Variants in SUB1 observed in about 807,000 individuals in gnomAD.
SUB1 encodes the protein SUB1 regulator of transcription.
SUB1 carries 1 observed loss-of-function variant against 16.9 expected under a neutral mutation model. The ratio of observed to expected loss-of-function variants is 0.06; its 90% CI spans 0.02 to 0.28. SUB1 has a LOEUF of 0.28. Ranked by LOEUF, SUB1 falls within the 10% of genes least tolerant of loss-of-function variation. The probability of loss-of-function intolerance (pLI) is 1.00; values close to 1 mark genes in which losing one functional copy is unlikely to be tolerated. For missense variants in SUB1, 84 were observed against 145.2 expected (o/e 0.58, Z 2.16); for synonymous variants, 51 against 46.9 (o/e 1.09, Z -0.36).
In SUB1 at chr5:32,601,018, T is replaced by A; in HGVS notation, c.318T>A (p.Asn106Lys). The A allele has an allele frequency of 6.2e-7, 1 of 1,612,660 alleles. No individual in the cohort carries two copies. Among genetic ancestry groups the A allele is most frequent in the Non-Finnish European group, 8.5e-7 (1 of 1,179,676 alleles). Residue 106 changes from asparagine to lysine, a missense_variant, in exon 5 of 5, where the codon AAT (asparagine) becomes AAA (lysine). Physicochemically the swap from Asn to Lys is moderately conservative, Grantham distance 94. Coordinates refer to ENST00000265073, the MANE Select transcript of SUB1 (RefSeq NM_006713.4). ...MKPGRKGISL[N>K]PEQWSQLKEQ... ...ACTTTGTTTTAGGTATTTCTTTAAA[T>A]CCAGAACAATGGAGCCAGCTGAAGG...
chr5:32,599,457 A>G (rs1579518943), intron 4 of SUB1, among the ~76,000 whole-genome samples: 1 of 152,326 alleles, frequency 6.6e-6, no homozygotes. Context: ...TCTTTAGGGC[A>G]TTACTCTTCA....
chr5:32,594,684 T>C, intron 3 of SUB1: 2 of 436,348 alleles, frequency 4.6e-6, no homozygotes, highest in South Asian at 3.2e-5. Flanking sequence ...CGGCATTAGA[T>C]TCTCATAGGA....
At chr5:32,594,346 T>C (rs966295731) in intron 3 of SUB1, among the ~76,000 whole-genome samples, 13 of 152,254 alleles carry the variant, frequency 8.5e-5, no homozygotes, top group Admixed American at 8.5e-4. Context: ...TTAGTACCTG[T>C]GTCTTGAAAG....
At chr5:32,588,275 G>C (rs1459622277) in intron 1 of SUB1, among the ~76,000 whole-genome samples, 1 of 152,196 alleles carries the variant, frequency 6.6e-6, no homozygotes, top group East Asian at 1.9e-4. Flanking sequence ...AGGTGTAGGA[G>C]TGTATGACAT....
intron 2 of SUB1, among the ~76,000 whole-genome samples, chr5:32,590,526 G>A (rs1389236503): frequency 1.3e-5 from 2 of 149,782 alleles, no homozygotes; most frequent in African/African-American, 4.9e-5. Context: ...GGAAGTTCTT[G>A]AGTTGCTGGC....
At chr5:32,596,014 T>C (rs1331507097) in intron 3 of SUB1, 1 of 152,226 alleles carries the variant, frequency 6.6e-6, no homozygotes. Flanking sequence ...TAACACTTTA[T>C]ATATTTTGTC....
chr5:32,588,364 T>C (rs1042318817), intron 1 of SUB1, 148 bp from the exon 2 acceptor site: 18 of 652,810 alleles, frequency 2.8e-5, no homozygotes, highest in East Asian at 2.8e-5. Context: ...AGATTAAAAC[T>C]TGTGCTCAGT....
At chr5:32,597,160 T>C (rs1738989265) in intron 3 of SUB1, 2 of 152,192 alleles carry the variant, frequency 1.3e-5, no homozygotes, top group East Asian at 3.9e-4. Flanking sequence ...ACCATAAAAG[T>C]ATATTCACAT....
intron 3 of SUB1, chr5:32,597,550 C>G (rs960684787): frequency 2.6e-5 from 4 of 152,040 alleles, no homozygotes; most frequent in Non-Finnish European, 5.9e-5. Context: ...GGAGTCTGTG[C>G]TTTCAATTTT....
At chr5:32,598,791 C>A in intron 3 of SUB1, 170 bp from the exon 4 acceptor site, 1 of 429,456 alleles carries the variant, frequency 2.3e-6, no homozygotes, top group Non-Finnish European at 4.1e-6. Flanking sequence ...AAAAAATATG[C>A]ATATAAGTGG....
At chr5:32,593,229 T>A (rs1738875409) in intron 3 of SUB1, among the ~76,000 whole-genome samples, 1 of 152,136 alleles carries the variant, frequency 6.6e-6, no homozygotes, top group South Asian at 2.1e-4. Context: ...GGTCTTGAAC[T>A]CCTGAGCTCA....
In SUB1 at chr5:32,603,609, A is replaced by C. The variant is rs972941916; in HGVS notation, c.*2525A>C. ...CTTCATTAATGCCTAAGAACTTAAG[A>C]ATACTCCTACCTCATTAGCTACTCA... is the stretch of plus-strand genomic sequence containing the variant. On this transcript the variant is annotated 3_prime_UTR_variant, in exon 5 of 5. Coordinates refer to ENST00000265073, the MANE Select transcript of SUB1 (RefSeq NM_006713.4). The C allele has an allele frequency of 1.6e-4, 24 of 152,180 alleles. No individual in the cohort carries two copies. Among genetic ancestry groups the C allele is most frequent in the African/African-American group, 5.8e-4 (24 of 41,460 alleles). 9.4% of individuals were successfully genotyped at this position (152,180 alleles called of 1,614,324 possible). A position where few individuals can be genotyped will look rare whatever the true frequency, so the allele number is the denominator to read the frequency against.
chr5:32,591,634 C>T lies in SUB1; in HGVS notation c.144C>T (p.Ala48=), dbSNP rs771797879. The T allele has an allele frequency of 9.9e-6, 16 of 1,609,524 alleles. No individual in the cohort carries two copies. In the Admixed American group the frequency reaches 2.4e-4, roughly 24 times the overall value. The change falls in exon 3 of 5, where the codon GCC becomes GCT. Residue 48 remains alanine (A), a synonymous_variant. Transcript: ENST00000265073. ...AAAAGACAGGTGAGACTTCGAGAGC[C>T]CTGTCATCTTCTAAACAGAGCAGCA... is the stretch of plus-strand genomic sequence containing the variant. ...KKQKTGETSR[A]LSSSKQSSSS...
intron 3 of SUB1, chr5:32,594,866 C>T (rs1715712063): frequency 1.7e-5 from 3 of 177,416 alleles, no homozygotes; most frequent in Admixed American, 1.1e-4. Context: ...TCCCTGGTGC[C>T]AAAAAGGTTA....
intron 1 of SUB1, chr5:32,586,572 C>G (rs757726029): frequency 6.6e-6 from 1 of 152,034 alleles, no homozygotes; most frequent in African/African-American, 2.4e-5. Context: ...CAGTGGACTT[C>G]TTTGGGTTGA....
At chr5:32,598,719 G>A (rs977252488) in intron 3 of SUB1, 1 of 349,720 alleles carries the variant, frequency 2.9e-6, no homozygotes, top group Non-Finnish European at 5.1e-6. Flanking sequence ...AGGCTATGCA[G>A]TTGTTCTGTG....
At chr5:32,593,302 G>A (rs1174492340) in intron 3 of SUB1, among the ~76,000 whole-genome samples, 2 of 152,134 alleles carry the variant, frequency 1.3e-5, no homozygotes, top group Non-Finnish European at 2.9e-5. Flanking sequence ...ACCGTGACTG[G>A]CCAAGACTGT....
chr5:32,598,859 T>C (rs1739047023), intron 3 of SUB1, 102 bp from the exon 4 acceptor site: 1 of 838,174 alleles, frequency 1.2e-6, no homozygotes, highest in African/African-American at 1.7e-5. Context: ...TTTTCATGAT[T>C]AGATGTAGAG....
At position 32,599,087 on chromosome 5, in the gene SUB1, G is replaced by C. The variant is rs189854402; in HGVS notation, c.304+18G>C. The C allele has an allele frequency of 2.4e-3, 3,805 of 1,584,700 alleles. 5 individuals carry two copies. Among genetic ancestry groups the C allele is most frequent in the Non-Finnish European group, 2.8e-3 (3,256 of 1,154,810 alleles). On this transcript the variant is annotated intron_variant, in intron 4 of 4. Transcript: ENST00000265073. Reference sequence around the variant, plus strand: ...AAGAAAAGGTGAGGTCTAATTACTTGAATTTTATTACAGTGTTAGGACTAA... The same window carrying C: ...AAGAAAAGGTGAGGTCTAATTACTTCAATTTTATTACAGTGTTAGGACTAA...
Sources: gnomAD v4.1 joint callset for allele counts (sites outside exome capture counted in the v4.1 genomes callset) on GRCh38, gnomAD v4.1.1 for gene constraint, MANE v1.5 for transcripts, NCBI Gene and HGNC (gene_info 2026-07-23, HGNC 2026-07-21) for gene names.